Variants in SLAIN2 observed in about 807,000 individuals in gnomAD.
SLAIN2 encodes SLAIN family member 2.
SLAIN2 carries 31 observed loss-of-function variants against 56.6 expected under a neutral mutation model. That is an observed-to-expected ratio of 0.55 (90% CI 0.41 to 0.74). The LOEUF (loss-of-function observed/expected upper bound fraction) is 0.74. Ranked by LOEUF, SLAIN2 falls within the 30% of genes least tolerant of loss-of-function variation. The pLI, the probability that SLAIN2 is intolerant of heterozygous loss-of-function variation, is 0.00. For missense variants in SLAIN2, 777 were observed against 754.2 expected, an observed-to-expected ratio of 1.03 and a Z score of -0.35; for synonymous variants, 317 against 284.9, an observed-to-expected ratio of 1.11 and a Z score of -1.13.
intron 4 of SLAIN2, among the ~76,000 whole-genome samples, chr4:48,381,060 G>T (rs1715957838): frequency 6.6e-6 from 1 of 152,092 alleles, no homozygotes; most frequent in Non-Finnish European, 1.5e-5. Flanking sequence ...GGTATTGTCA[G>T]CTGGTTAGGG....
At chr4:48,382,964 C>A in intron 5 of SLAIN2, 37 bp downstream of exon 5, 4 of 1,526,818 alleles carry the variant, frequency 2.6e-6, no homozygotes, top group South Asian at 2.5e-5. Flanking sequence ...TAGACAGTTT[C>A]TGCTAGCCTG....
At chr4:48,366,936 A>G (rs1051862697) in intron 1 of SLAIN2, among the ~76,000 whole-genome samples, 3 of 152,238 alleles carry the variant, frequency 2.0e-5, no homozygotes, top group African/African-American at 4.8e-5. Context: ...ATCATATTCT[A>G]TGATTTAAGA....
chr4:48,370,112 A>C, intron 2 of SLAIN2, 115 bp downstream of exon 2: 1 of 1,013,618 alleles, frequency 9.9e-7, no homozygotes. Flanking sequence ...TTCAAATCTC[A>C]TTGTTCATAT....
intron 2 of SLAIN2, among the ~76,000 whole-genome samples, chr4:48,376,423 C>T (rs1715812031): frequency 6.8e-6 from 1 of 146,620 alleles, no homozygotes; most frequent in Admixed American, 6.8e-5. Flanking sequence ...CCACTGCACT[C>T]CAGCCTGGGT....
intron 6 of SLAIN2, among the ~76,000 whole-genome samples, chr4:48,387,851 T>A (rs774110106): frequency 1.3e-5 from 2 of 152,142 alleles, no homozygotes; most frequent in Non-Finnish European, 2.9e-5. Context: ...TTCATAATAG[T>A]CTTTATATAA....
intron 1 of SLAIN2, among the ~76,000 whole-genome samples, chr4:48,366,947 AAT>A (rs1334704506): frequency 6.6e-6 from 1 of 152,232 alleles, no homozygotes; most frequent in African/African-American, 2.4e-5. Context: ...TGATTTAAGA[AAT>A]TCTAAAGTGT....
chr4:48,399,265 A>T (rs1350342961), intron 6 of SLAIN2, among the ~76,000 whole-genome samples: 1 of 151,864 alleles, frequency 6.6e-6, no homozygotes, highest in Non-Finnish European at 1.5e-5. Flanking sequence ...TTTTTGTAGC[A>T]TTGTGAATGG....
At chr4:48,388,580 A>G (rs929099671) in intron 6 of SLAIN2, among the ~76,000 whole-genome samples, 9 of 152,214 alleles carry the variant, frequency 5.9e-5, no homozygotes, top group Non-Finnish European at 1.3e-4. Context: ...ACAGAGATCC[A>G]TATAAATTAA....
At chr4:48,377,809 T>A in intron 2 of SLAIN2, 87 bp from the exon 3 acceptor site, 1 of 1,223,238 alleles carries the variant, frequency 8.2e-7, no homozygotes, top group Non-Finnish European at 1.2e-6. Flanking sequence ...AGATAATGAT[T>A]TAGTTTTCTA....
intron 3 of SLAIN2, among the ~76,000 whole-genome samples, chr4:48,379,446 C>T (rs1227793537): frequency 6.6e-6 from 1 of 151,972 alleles, no homozygotes; most frequent in East Asian, 1.9e-4. Context: ...TGAATTGTTA[C>T]ATAAGAGAAT....
chr4:48,352,277 T>A (rs1007617366), intron 1 of SLAIN2, among the ~76,000 whole-genome samples: 8 of 152,148 alleles, frequency 5.3e-5, no homozygotes, highest in African/African-American at 1.9e-4. Context: ...CAAACCAAAC[T>A]ATTGAGTCCA....
intron 1 of SLAIN2, among the ~76,000 whole-genome samples, chr4:48,368,500 A>T (rs542800538): frequency 1.4e-4 from 22 of 152,338 alleles, no homozygotes; most frequent in Non-Finnish European, 2.5e-4. Context: ...TAGTGATAAT[A>T]TCATAAAATG....
intron 6 of SLAIN2, among the ~76,000 whole-genome samples, chr4:48,386,829 CT>C (rs1459285507): frequency 1.3e-5 from 2 of 151,996 alleles, no homozygotes; most frequent in East Asian, 3.9e-4. Context: ...CTTTTTTCCC[CT>C]GACACATTTG....
chr4:48,422,944 A>C lies in SLAIN2; in HGVS notation c.*867A>C, dbSNP rs193261282. 6.6e-6 allele frequency: 1 copy of C among 152,186 alleles called. No homozygotes were observed. The highest frequency in any genetic ancestry group is 2.4e-5 in the African/African-American group (1 of 41,436). 9.4% of individuals were successfully genotyped at this position (152,186 alleles called of 1,614,324 possible). On this transcript the variant is annotated 3_prime_UTR_variant, in exon 8 of 8. Coordinates refer to ENST00000264313, the MANE Select transcript of SLAIN2 (RefSeq NM_020846.2). ...TACAGAACTAAGAGATCTTGTTTCTATTAGCAGGTTTTCATGATAGGAAAG... is the reference window on the plus strand; with the variant it reads ...TACAGAACTAAGAGATCTTGTTTCTCTTAGCAGGTTTTCATGATAGGAAAG...
chr4:48,410,085 C>T (rs1288600307), intron 6 of SLAIN2, among the ~76,000 whole-genome samples: 1 of 152,068 alleles, frequency 6.6e-6, no homozygotes, highest in South Asian at 2.1e-4. Context: ...TATGAGGGTT[C>T]CAGTTTCTCC....
At chr4:48,386,198 A>G (rs1367651673) in intron 6 of SLAIN2, among the ~76,000 whole-genome samples, 1 of 152,030 alleles carries the variant, frequency 6.6e-6, no homozygotes, top group Non-Finnish European at 1.5e-5. Flanking sequence ...GATATTACTT[A>G]TATAACAAAT....
intron 6 of SLAIN2, among the ~76,000 whole-genome samples, chr4:48,416,605 G>A (rs1215341972): frequency 6.6e-6 from 1 of 151,470 alleles, no homozygotes; most frequent in African/African-American, 2.4e-5. Flanking sequence ...ATGTTGAATA[G>A]GAGCGGTGAG....
At chr4:48,358,391 C>G (rs1715221050) in intron 1 of SLAIN2, among the ~76,000 whole-genome samples, 1 of 151,202 alleles carries the variant, frequency 6.6e-6, no homozygotes, top group African/African-American at 2.4e-5. Context: ...GCGATCTTGG[C>G]TCACCACAAC....
chr4:48,382,596 G>A lies in SLAIN2; in HGVS notation c.891G>A (p.Thr297=), dbSNP rs762908281. The part of the protein sequence containing the change: ...ESLRQEYAAT[T]SRRSSGSSCN... Reference sequence around the variant, plus strand: ...TCCGGCAAGAATATGCAGCCACCACGTCTCGGCGCAGTTCTGGTTCATCTT... The same window carrying A: ...TCCGGCAAGAATATGCAGCCACCACATCTCGGCGCAGTTCTGGTTCATCTT... Residue 297 remains threonine (T), a synonymous_variant, in exon 5 of 8, where the codon ACG becomes ACA. Coordinates refer to ENST00000264313, the MANE Select transcript of SLAIN2 (RefSeq NM_020846.2). The A allele has an allele frequency of 5.7e-6, 9 of 1,588,422 alleles. No individual in the cohort carries two copies. The highest frequency in any genetic ancestry group is 3.4e-5 in the Admixed American group (2 of 59,560).
Sources: allele counts gnomAD v4.1 joint callset (sites outside exome capture counted in the v4.1 genomes callset), GRCh38; gene constraint gnomAD v4.1.1; transcripts MANE v1.5; gene names NCBI Gene and HGNC (gene_info 2026-07-23, HGNC 2026-07-21).